LUZP2: variants seen among roughly 807,000 people sequenced by gnomAD.
LUZP2 encodes the protein leucine zipper protein 2.
LUZP2 carries 52 observed loss-of-function variants against 51.6 expected under a neutral mutation model. The ratio of observed to expected loss-of-function variants is 1.01; its 90% CI spans 0.81 to 1.27. The LOEUF (loss-of-function observed/expected upper bound fraction) is 1.27. Among genes scored for constraint, LUZP2 ranks in the 50% most tolerant of loss-of-function variants. The probability of loss-of-function intolerance (pLI) is 0.00; values close to 1 mark genes in which losing one functional copy is unlikely to be tolerated. For synonymous variants in LUZP2, 154 were observed against 137.3 expected, an observed-to-expected ratio of 1.12 and a Z score of -0.85; for missense variants, 436 against 395.4, an observed-to-expected ratio of 1.10 and a Z score of -0.87.
At chr11:24,528,030 A>G (rs946172061) in intron 1 of LUZP2, among the ~76,000 whole-genome samples, 2 of 151,250 alleles carry the variant, frequency 1.3e-5, no homozygotes, top group Admixed American at 6.6e-5. Context: ...GGTCTTTCTA[A>G]GTGACTATTA....
intron 1 of LUZP2, among the ~76,000 whole-genome samples, chr11:24,705,247 G>T (rs1857542421): frequency 6.6e-6 from 1 of 151,870 alleles, no homozygotes. Context: ...TCTTTAAAAA[G>T]AAATCATGAA....
intron 5 of LUZP2, among the ~76,000 whole-genome samples, chr11:24,857,548 A>G (rs1224636040): frequency 2.3e-5 from 3 of 130,194 alleles, no homozygotes; most frequent in Admixed American, 8.7e-5. Flanking sequence ...TTTCAGGTGC[A>G]TATCCAAAAT....
At chr11:24,868,546 G>A (rs1199142042) in intron 5 of LUZP2, among the ~76,000 whole-genome samples, 1 of 152,006 alleles carries the variant, frequency 6.6e-6, no homozygotes, top group African/African-American at 2.4e-5. Context: ...TTTGTTGCAG[G>A]AGTCTGTCCA....
intron 5 of LUZP2, among the ~76,000 whole-genome samples, chr11:24,855,024 A>G (rs908778246): frequency 3.3e-5 from 5 of 151,832 alleles, no homozygotes; most frequent in African/African-American, 9.7e-5. Context: ...GAAATCACCC[A>G]CCTCCTGTGT....
chr11:25,024,241 C>G (rs1376450078), intron 9 of LUZP2, among the ~76,000 whole-genome samples: 2 of 152,054 alleles, frequency 1.3e-5, no homozygotes, highest in Non-Finnish European at 2.9e-5. Flanking sequence ...TGGCACAAGA[C>G]AGGGATGCCC....
rs28621796 is a variant in LUZP2, at chr11:24,652,073, A to G, written c.63-77096A>G. Among the ~76,000 whole-genome samples the G allele has an allele frequency of 4.1e-5, 6 of 145,526 alleles. No individual in the cohort carries two copies. In the South Asian group the frequency reaches 8.7e-4, roughly 21 times the overall value. On this transcript the variant is annotated intron_variant, in intron 1 of 11. Transcript: ENST00000336930. ...TTGTATATGTGTGTACACATGTTGT[A>G]TATGTGTGTACACATGTTGTGCATG...
At chr11:24,878,145 T>C (rs1450414216) in intron 5 of LUZP2, among the ~76,000 whole-genome samples, 3 of 151,514 alleles carry the variant, frequency 2.0e-5, no homozygotes, top group African/African-American at 4.9e-5. Context: ...CAGTAAGTTT[T>C]GTACCTTCAG....
chr11:24,903,825 G>A (rs758570855), intron 5 of LUZP2, among the ~76,000 whole-genome samples: 3 of 152,032 alleles, frequency 2.0e-5, no homozygotes, highest in Non-Finnish European at 4.4e-5. Flanking sequence ...AGTGTCAAAG[G>A]GACAAACATT....
Position 24,804,693 on chromosome 11 carries a change from G to A in LUZP2, c.396+41385G>A, listed in dbSNP as rs571234690. 1.1e-4 allele frequency among the ~76,000 whole-genome samples: 17 copies of A among 152,238 alleles called. No homozygotes were observed. In the South Asian group the frequency reaches 3.5e-3, roughly 32 times the overall value. ...AATGAATCTCATGACCTGTTTTAGA[G>A]AAAGGTCAGAAAATTCTTTTATTGC... On this transcript the variant is annotated intron_variant, in intron 5 of 11. Coordinates refer to ENST00000336930, the MANE Select transcript of LUZP2 (RefSeq NM_001009909.4).
intron 1 of LUZP2, among the ~76,000 whole-genome samples, chr11:24,711,416 C>G (rs975685669): frequency 6.6e-6 from 1 of 151,594 alleles, no homozygotes; most frequent in Non-Finnish European, 1.5e-5. Flanking sequence ...TGTCACTGCA[C>G]TCCAGCCTGG....
chr11:24,638,745 A>G (rs1474343163), intron 1 of LUZP2, among the ~76,000 whole-genome samples: 3 of 151,598 alleles, frequency 2.0e-5, no homozygotes, highest in Non-Finnish European at 4.4e-5. Flanking sequence ...AAAAATAGGA[A>G]CTGATTGTTT....
Position 25,014,570 on chromosome 11 carries a change from A to G in LUZP2, c.765+31277A>G, listed in dbSNP as rs968673881. On this transcript the variant is annotated intron_variant, in intron 9 of 11. Coordinates refer to ENST00000336930, the MANE Select transcript of LUZP2 (RefSeq NM_001009909.4). The stretch of plus-strand genomic sequence containing the variant: ...CTTCTTTTGAGTAGTGTCTGTTCAT[A>G]TCCTTCGCCCACTTGTTGATGGGGT... 5.9e-5 allele frequency among the ~76,000 whole-genome samples: 9 copies of G among 152,272 alleles called. No individual in the cohort carries two copies. In the South Asian group the frequency reaches 8.3e-4, roughly 14 times the overall value.
chr11:24,536,032 G>A (rs1851166893), intron 1 of LUZP2, among the ~76,000 whole-genome samples: 1 of 151,758 alleles, frequency 6.6e-6, no homozygotes, highest in South Asian at 2.1e-4. Flanking sequence ...GAGTTCTTGG[G>A]TGACCAGGCA....
At chr11:24,601,853 TA>T (rs1191465746) in intron 1 of LUZP2, among the ~76,000 whole-genome samples, 2 of 142,688 alleles carry the variant, frequency 1.4e-5, no homozygotes, top group Non-Finnish European at 3.0e-5. Context: ...AACAGGTATA[TA>T]TATATATATG....
chr11:24,556,297 G>T (rs1851867503), intron 1 of LUZP2, among the ~76,000 whole-genome samples: 1 of 152,020 alleles, frequency 6.6e-6, no homozygotes, highest in African/African-American at 2.4e-5. Flanking sequence ...TTTCCATTGT[G>T]GCATATAATA....
intron 5 of LUZP2, among the ~76,000 whole-genome samples, chr11:24,826,190 A>AAAATATATATATATATATATAT (rs1215786412): frequency 1.0e-4 from 7 of 67,534 alleles, no homozygotes; most frequent in East Asian, 5.6e-4. Flanking sequence ...AAAAAAAAAA[A>AAAATATATATATATATATATAT]ATATATATAT....
intron 5 of LUZP2, among the ~76,000 whole-genome samples, chr11:24,809,044 C>T (rs1020394788): frequency 1.3e-5 from 2 of 151,930 alleles, no homozygotes; most frequent in African/African-American, 4.8e-5. Context: ...ATATGCTATT[C>T]ATATGTGGTC....
chr11:24,860,048 C>T (rs1034698151), intron 5 of LUZP2, among the ~76,000 whole-genome samples: 9 of 152,322 alleles, frequency 5.9e-5, no homozygotes, highest in East Asian at 3.9e-4. Flanking sequence ...CCTAACTCCC[C>T]GTGCAGGGGA....
intron 5 of LUZP2, among the ~76,000 whole-genome samples, chr11:24,895,280 AG>A (rs1177487312): frequency 6.6e-6 from 1 of 152,202 alleles, no homozygotes; most frequent in Non-Finnish European, 1.5e-5. Flanking sequence ...AGCTAGAGGA[AG>A]AACAAGAGGA....
Sources: gnomAD v4.1 joint callset for allele counts (sites outside exome capture counted in the v4.1 genomes callset) on GRCh38, gnomAD v4.1.1 for gene constraint, MANE v1.5 for transcripts, NCBI Gene and HGNC (gene_info 2026-07-23, HGNC 2026-07-21) for gene names.